The following GADL1 variants were observed in gnomAD, a reference collection of about 807,000 sequenced individuals.
The protein encoded by GADL1 is acidic amino acid decarboxylase GADL1.
In GADL1, 71 loss-of-function variants were observed where a neutral mutation model predicts 69.5. That is an observed-to-expected ratio of 1.02 (90% confidence interval 0.84 to 1.25). The LOEUF is 1.25. Ranked by LOEUF, GADL1 falls within the 50% of genes most tolerant of loss-of-function variation. GADL1 has a pLI of 0.00. For synonymous variants in GADL1, 254 were observed against 214.4 expected (o/e 1.18, Z -1.62); for missense variants, 737 against 631.8 (o/e 1.17, Z -1.79).
At chr3:30,819,622 T>C (rs1178053677) in intron 11 of GADL1, among the ~76,000 whole-genome samples, 5 of 152,004 alleles carry the variant, frequency 3.3e-5, no homozygotes, top group African/African-American at 4.8e-5. Context: ...ATAGCATTCT[T>C]ACAGAACAAA....
chr3:30,810,998 C>T (rs749357313), intron 11 of GADL1, among the ~76,000 whole-genome samples: 1 of 152,130 alleles, frequency 6.6e-6, no homozygotes, highest in Non-Finnish European at 1.5e-5. Context: ...TGTAAAAAAC[C>T]ACTGACTTCT....
intron 14 of GADL1, among the ~76,000 whole-genome samples, chr3:30,751,489 C>T (rs1024082644): frequency 1.3e-5 from 2 of 150,780 alleles, no homozygotes; most frequent in Non-Finnish European, 2.9e-5. Context: ...ACCTGGGTAA[C>T]TAGAACCTGG....
intron 11 of GADL1, among the ~76,000 whole-genome samples, chr3:30,830,273 A>T (rs1697766304): frequency 6.6e-6 from 1 of 151,896 alleles, no homozygotes; most frequent in Non-Finnish European, 1.5e-5. Context: ...CCAGCTTATG[A>T]CCATACTTCT....
chr3:30,878,853 G>A (rs1698609533), intron 1 of GADL1, among the ~76,000 whole-genome samples: 1 of 151,810 alleles, frequency 6.6e-6, no homozygotes, highest in Non-Finnish European at 1.5e-5. Flanking sequence ...TGAAAAAAAG[G>A]TAACAACATT....
chr3:30,844,465 C>T lies in GADL1; in HGVS notation c.653G>A (p.Cys218Tyr), dbSNP rs1160625167. The T allele has an allele frequency of 6.2e-7, 1 of 1,602,130 alleles. No homozygotes were observed. The highest frequency in any genetic ancestry group is 2.2e-5 in the East Asian group (1 of 44,814). Residue 218 changes from cysteine to tyrosine, a missense_variant and splice_region_variant, in exon 7 of 15, where the codon TGT (cysteine) becomes TAT (tyrosine). Coordinates refer to ENST00000282538, the MANE Select transcript of GADL1 (RefSeq NM_207359.3). ...PRLILFTSAECHYSMKKAASF... is the reference protein window; with the variant it reads ...PRLILFTSAEYHYSMKKAASF... ...GGCTGCCTTCTTCATAGAGTAATGA[C>T]ACTGAATTCAAAGGGACAGTGGGGA...
At chr3:30,890,614 C>T (rs911018829) in intron 1 of GADL1, among the ~76,000 whole-genome samples, 1 of 152,156 alleles carries the variant, frequency 6.6e-6, no homozygotes, top group African/African-American at 2.4e-5. Context: ...ACTACTCATT[C>T]TTTCCTAAAA....
chr3:30,873,485 T>C (rs1698524335), intron 1 of GADL1, among the ~76,000 whole-genome samples: 1 of 151,978 alleles, frequency 6.6e-6, no homozygotes, highest in East Asian at 1.9e-4. Flanking sequence ...ATTCTCCTTT[T>C]TTCCAAAAAA....
chr3:30,818,823 A>C (rs987312078), intron 11 of GADL1, among the ~76,000 whole-genome samples: 2 of 152,048 alleles, frequency 1.3e-5, no homozygotes, highest in African/African-American at 4.8e-5. Flanking sequence ...CTCCACCCTT[A>C]GCTCATCCCA....
chr3:30,892,444 T>C (rs1247481729), intron 1 of GADL1, among the ~76,000 whole-genome samples: 1 of 152,256 alleles, frequency 6.6e-6, no homozygotes, highest in Non-Finnish European at 1.5e-5. Flanking sequence ...ATTAGGTGTG[T>C]TGCTGCCTTA....
intron 9 of GADL1, among the ~76,000 whole-genome samples, chr3:30,837,401 A>G (rs998831605): frequency 6.6e-6 from 1 of 152,144 alleles, no homozygotes; most frequent in Non-Finnish European, 1.5e-5. Context: ...ATCTAATACT[A>G]TAGGCATTTG....
chr3:30,750,223 T>C (rs879560618), intron 14 of GADL1, among the ~76,000 whole-genome samples: 4 of 152,180 alleles, frequency 2.6e-5, no homozygotes, highest in Admixed American at 1.3e-4. Flanking sequence ...GAAGAGCACA[T>C]AACTGGAGAT....
At chr3:30,878,218 T>C (rs1027945820) in intron 1 of GADL1, among the ~76,000 whole-genome samples, 4 of 151,912 alleles carry the variant, frequency 2.6e-5, no homozygotes, top group African/African-American at 9.7e-5. Flanking sequence ...ACTCTAACAA[T>C]GATTCTATGG....
At chr3:30,846,469 T>G (rs1354005922) in intron 6 of GADL1, among the ~76,000 whole-genome samples, 1 of 152,166 alleles carries the variant, frequency 6.6e-6, no homozygotes, top group Non-Finnish European at 1.5e-5. Flanking sequence ...TGCTGCTTTC[T>G]CCTCAATGTA....
chr3:30,786,742 AG>A, intron 12 of GADL1, among the ~76,000 whole-genome samples: 1 of 152,314 alleles, frequency 6.6e-6, no homozygotes, highest in East Asian at 1.9e-4. Flanking sequence ...ATTTAACCAT[AG>A]GTACTTACAT....
chr3:30,771,774 A>G (rs989034082), intron 14 of GADL1, among the ~76,000 whole-genome samples: 10 of 152,154 alleles, frequency 6.6e-5, no homozygotes, highest in African/African-American at 2.4e-4. Flanking sequence ...ACAAAATCAG[A>G]GTTCTGAAAA....
At chr3:30,885,253 C>T (rs9824512) in intron 1 of GADL1, among the ~76,000 whole-genome samples, 1 of 151,822 alleles carries the variant, frequency 6.6e-6, no homozygotes, top group Non-Finnish European at 1.5e-5. Flanking sequence ...TAATTTCCAG[C>T]CAATTATTTT....
At chr3:30,866,097 T>G (rs1017681026) in intron 1 of GADL1, among the ~76,000 whole-genome samples, 2 of 152,050 alleles carry the variant, frequency 1.3e-5, no homozygotes, top group African/African-American at 4.8e-5. Context: ...CTTAAAACAG[T>G]GTCTGGTACA....
chr3:30,883,417 T>A (rs1698667561), intron 1 of GADL1, among the ~76,000 whole-genome samples: 1 of 152,024 alleles, frequency 6.6e-6, no homozygotes, highest in Non-Finnish European at 1.5e-5. Flanking sequence ...TCTTTCTCCA[T>A]AGAGTGGTCT....
At chr3:30,855,613 T>C (rs528213033) in intron 3 of GADL1, among the ~76,000 whole-genome samples, 47 of 151,846 alleles carry the variant, frequency 3.1e-4, no homozygotes, top group East Asian at 1.6e-3. Flanking sequence ...TTAATTTTTT[T>C]CCCCCCTCCT....
Sources: gnomAD v4.1 joint callset for allele counts (sites outside exome capture counted in the v4.1 genomes callset) on GRCh38, gnomAD v4.1.1 for gene constraint, MANE v1.5 for transcripts, NCBI Gene and HGNC (gene_info 2026-07-23, HGNC 2026-07-21) for gene names.